DNAJA1: variants seen among roughly 807,000 people sequenced by gnomAD.
DNAJA1 encodes the protein dnaJ homolog subfamily A member 1.
Under a neutral mutation model 47.6 loss-of-function variants are expected in DNAJA1, and 26 were observed. The observed-to-expected ratio is 0.55, with a 90% CI of 0.40 to 0.76. The LOEUF is 0.76. Ranked by LOEUF, DNAJA1 falls within the 30% of genes least tolerant of loss-of-function variation. The pLI, the probability that DNAJA1 is intolerant of heterozygous loss-of-function variation, is 0.00. For synonymous variants in DNAJA1, 165 were observed against 158.4 expected (o/e 1.04, Z -0.31); for missense variants, 315 against 485.0 (o/e 0.65, Z 3.29).
intron 1 of DNAJA1, among the ~76,000 whole-genome samples, chr9:33,025,979 C>T (rs1231247329): frequency 1.3e-5 from 2 of 152,126 alleles, no homozygotes. Flanking sequence ...AGCTGTAAGC[C>T]GTGGGCGGTG....
At chr9:33,036,864 T>C (rs1587700876) in intron 7 of DNAJA1, 151 bp from the exon 8 acceptor site, 2 of 826,786 alleles carry the variant, frequency 2.4e-6, no homozygotes, top group East Asian at 5.3e-5. Context: ...TGTCAGCCCT[T>C]GGAAAACCCA....
At chr9:33,030,077 A>C (rs142040595) in intron 4 of DNAJA1, 88 bp downstream of exon 4, 2 of 1,274,048 alleles carry the variant, frequency 1.6e-6, no homozygotes, top group Admixed American at 2.2e-5. Flanking sequence ...CTAGATAGAT[A>C]TGTAAAATTG....
chr9:33,027,868 C>A (rs867768157), intron 3 of DNAJA1, among the ~76,000 whole-genome samples: 1 of 151,034 alleles, frequency 6.6e-6, no homozygotes, highest in Admixed American at 6.6e-5. Flanking sequence ...CCAAAAAAAT[C>A]CAAAAATTAG....
At chr9:33,038,573 A>AT in intron 8 of DNAJA1, 112 bp from the exon 9 acceptor site, 1 of 946,316 alleles carries the variant, frequency 1.1e-6, no homozygotes, top group Non-Finnish European at 1.6e-6. Context: ...AGATTGGCAG[A>AT]TTCACCTAAA....
intron 6 of DNAJA1, 83 bp downstream of exon 6, chr9:33,034,413 A>G: frequency 9.7e-7 from 1 of 1,026,504 alleles, no homozygotes; most frequent in Non-Finnish European, 1.4e-6. Context: ...TTTTTTTTAA[A>G]GTGTTTTCCA....
Position 33,039,077 on chromosome 9 carries a change from C to CTGT in DNAJA1, c.*175_*177dup, listed in dbSNP as rs1400513759. ...CAAATATAAAAGCTCTGATTTTGCCCTGTATGTATGATGACTTCAGTGTGC... is the reference window on the plus strand; with the variant it reads ...CAAATATAAAAGCTCTGATTTTGCCCTGTTGTATGTATGATGACTTCAGTGTGC... On this transcript the variant is annotated 3_prime_UTR_variant, in exon 9 of 9. Transcript: ENST00000330899. 2 of 655,936 alleles carry CTGT rather than the reference C, an allele frequency of 3.0e-6. No individual in the cohort carries two copies. Among genetic ancestry groups the CTGT allele is most frequent in the Non-Finnish European group, 5.1e-6 (2 of 392,120 alleles). 40.6% of individuals were successfully genotyped at this position (655,936 alleles called of 1,614,324 possible). A position where few individuals can be genotyped will look rare whatever the true frequency, so the allele number is the denominator to read the frequency against.
intron 8 of DNAJA1, 109 bp from the exon 9 acceptor site, chr9:33,038,576 C>G (rs1839069505): frequency 5.2e-6 from 5 of 970,304 alleles, no homozygotes; most frequent in African/African-American, 3.3e-5. Context: ...TTGGCAGATT[C>G]ACCTAAATAT....
At chr9:33,028,740 G>A (rs1386249144) in intron 3 of DNAJA1, among the ~76,000 whole-genome samples, 24 of 152,144 alleles carry the variant, frequency 1.6e-4, no homozygotes, top group Admixed American at 1.4e-3. Context: ...GGGGAAATGC[G>A]CTTCATCAAG....
chr9:33,036,334 T>C (rs1433151248), intron 6 of DNAJA1: 2 of 240,904 alleles, frequency 8.3e-6, no homozygotes, highest in South Asian at 2.0e-4. Flanking sequence ...TGATGGTAAA[T>C]GGTAAAGGCT....
intron 6 of DNAJA1, among the ~76,000 whole-genome samples, chr9:33,034,788 T>C (rs1437537068): frequency 6.6e-6 from 1 of 152,210 alleles, no homozygotes; most frequent in East Asian, 1.9e-4. Context: ...AGCTAAATAA[T>C]GAGTATGATG....
intron 2 of DNAJA1, 37 bp downstream of exon 2, chr9:33,026,653 T>G (rs751357203): frequency 3.2e-6 from 5 of 1,583,528 alleles, no homozygotes; most frequent in Non-Finnish European, 4.3e-6. Context: ...TCTGAATAGT[T>G]CTTTGCCAGA....
At position 33,036,716 on chromosome 9, in the gene DNAJA1, T is replaced by A. The variant is rs143818916; in HGVS notation, c.874+27T>A. The A allele has an allele frequency of 4.2e-4, 631 of 1,514,588 alleles. 3 individuals carry two copies. The African/African-American group carries it at 7.5e-3, about 18-fold the overall frequency. The allele number at this position is 1,514,588 out of a possible 1,614,324, so 93.8% of individuals were successfully genotyped here. ...TATGGGAACTAGGCAAGCTTAAACTTCTCTTTTCTATTCTAGTATTTTCCT... is the reference window on the plus strand; with the variant it reads ...TATGGGAACTAGGCAAGCTTAAACTACTCTTTTCTATTCTAGTATTTTCCT... On this transcript the variant is annotated intron_variant, in intron 7 of 8. Transcript: ENST00000330899.
rs542249031 is a variant in DNAJA1, at chr9:33,033,462, A to T, written c.644-754A>T. Among the ~76,000 whole-genome samples, 3 of 152,084 alleles carry T rather than the reference A, an allele frequency of 2.0e-5. No individual in the cohort carries two copies. The East Asian group carries it at 5.8e-4, about 29-fold the overall frequency. On this transcript the variant is annotated intron_variant, in intron 5 of 8. Coordinates refer to ENST00000330899, the MANE Select transcript of DNAJA1 (RefSeq NM_001539.4). Reference sequence around the variant, plus strand: ...AGGTCTGTAATCCGAACACTATAGGATGCCGAGGCAGGATCCCTTGAGCCC... The same window carrying T: ...AGGTCTGTAATCCGAACACTATAGGTTGCCGAGGCAGGATCCCTTGAGCCC...
intron 5 of DNAJA1, among the ~76,000 whole-genome samples, chr9:33,030,886 A>AAT (rs1838950515): frequency 6.6e-6 from 1 of 152,234 alleles, no homozygotes. Flanking sequence ...CTCCTCATTT[A>AAT]ATATAACAGG....
intron 3 of DNAJA1, among the ~76,000 whole-genome samples, chr9:33,027,730 A>G (rs752286682): frequency 3.3e-5 from 5 of 151,956 alleles, no homozygotes; most frequent in African/African-American, 4.8e-5. Flanking sequence ...GGCATCTGCA[A>G]TCCCAGCTCC....
intron 4 of DNAJA1, 103 bp from the exon 5 acceptor site, chr9:33,030,337 C>T (rs1033572518): frequency 4.6e-5 from 53 of 1,148,692 alleles, no homozygotes; most frequent in Non-Finnish European, 6.0e-5. Context: ...CATCAGGCTT[C>T]GAAAATATTA....
chr9:33,026,364 AGGT>A, intron 1 of DNAJA1, 108 bp from the exon 2 acceptor site: 1 of 1,111,936 alleles, frequency 9.0e-7, no homozygotes, highest in South Asian at 1.6e-5. Flanking sequence ...AATTTAGGGA[AGGT>A]GGTGTTCTTA....
intron 4 of DNAJA1, 62 bp from the exon 5 acceptor site, chr9:33,030,372 TTCTTAA>T (rs1838941948): frequency 6.9e-7 from 1 of 1,446,070 alleles, no homozygotes; most frequent in Non-Finnish European, 9.5e-7. Flanking sequence ...AGGAATTGTC[TTCTTAA>T]AACATTTACT....
chr9:33,037,079 A>G lies in DNAJA1; in HGVS notation c.939A>G (p.Arg313=), dbSNP rs190697287. ...ATGAAGGCATGCCAATTTATCGTAGACCATATGAAAAGGGTCGCCTAATCA... is the reference window on the plus strand; with the variant it reads ...ATGAAGGCATGCCAATTTATCGTAGGCCATATGAAAAGGGTCGCCTAATCA... ...VLNEGMPIYR[R]PYEKGRLIIE... Residue 313 remains arginine (R), a synonymous_variant, in exon 8 of 9, where the codon AGA becomes AGG. Transcript: ENST00000330899. 4.3e-6 allele frequency: 7 copies of G among 1,614,096 alleles called. No individual in the cohort carries two copies. In the East Asian group the frequency reaches 6.7e-5, roughly 15 times the overall value.
Sources: gnomAD v4.1 joint callset for allele counts (sites outside exome capture counted in the v4.1 genomes callset) on GRCh38, gnomAD v4.1.1 for gene constraint, MANE v1.5 for transcripts, NCBI Gene and HGNC (gene_info 2026-07-23, HGNC 2026-07-21) for gene names.